GRM3: variants seen among roughly 807,000 people sequenced by gnomAD.
GRM3 encodes glutamate metabotropic receptor 3.
A neutral mutation model predicts 70.5 loss-of-function variants in GRM3; 26 were observed. The observed-to-expected ratio is 0.37, with a 90% CI of 0.27 to 0.51. GRM3 has a LOEUF of 0.51. Ranked by LOEUF, GRM3 falls within the 20% of genes least tolerant of loss-of-function variation. The pLI, the probability that GRM3 is intolerant of heterozygous loss-of-function variation, is 0.93. For missense variants in GRM3, 859 were observed against 1,123.8 expected (o/e 0.76, Z 3.37); for synonymous variants, 443 against 434.9 (o/e 1.02, Z -0.23).
chr7:86,786,713 G>C lies in GRM3; in HGVS notation c.921G>C (p.Glu307Asp). The stretch of plus-strand genomic sequence containing the variant: ...CCAGCGACGGCTGGGGCGCGCAGGA[G>C]AGCATCATCAAGGGCAGCGAGCATG... ...WVASDGWGAQ[E>D]SIIKGSEHVA... Residue 307 changes from glutamate to aspartate, a missense_variant, in exon 3 of 6, where the codon GAG becomes GAC. Glu to Asp is a conservative substitution (Grantham distance 45, BLOSUM62 2). Coordinates refer to ENST00000361669, the MANE Select transcript of GRM3 (RefSeq NM_000840.3). This position sits in a 1 kb window ranked among gnomAD's most constrained non-coding sequence, Gnocchi z 6.0. 2 of 1,613,054 alleles carry C rather than the reference G, an allele frequency of 1.2e-6. No individual in the cohort carries two copies. Among genetic ancestry groups the C allele is most frequent in the South Asian group, 1.1e-5 (1 of 91,084 alleles).
intron 3 of GRM3, among the ~76,000 whole-genome samples, chr7:86,810,333 T>A (rs1170003603): frequency 6.6e-6 from 1 of 151,996 alleles, no homozygotes; most frequent in Admixed American, 6.6e-5. Context: ...AGCACAAACT[T>A]TTTAAGAATA....
intron 3 of GRM3, among the ~76,000 whole-genome samples, chr7:86,821,919 A>AT: frequency 6.6e-6 from 1 of 152,086 alleles, no homozygotes; most frequent in Non-Finnish European, 1.5e-5. Flanking sequence ...TTTGTGAAAT[A>AT]ATTACATCTG....
At chr7:86,722,077 A>G (rs538054591) in intron 1 of GRM3, among the ~76,000 whole-genome samples, 5 of 152,222 alleles carry the variant, frequency 3.3e-5, no homozygotes, top group Non-Finnish European at 5.9e-5. Flanking sequence ...GATTGGGCAC[A>G]ATTCTCAATA....
intron 1 of GRM3, among the ~76,000 whole-genome samples, chr7:86,667,358 G>A (rs1242884626): frequency 1.3e-5 from 2 of 152,156 alleles, no homozygotes; most frequent in African/African-American, 4.8e-5. Context: ...TTTGCTTTTA[G>A]TTAAGAAATA....
intron 3 of GRM3, among the ~76,000 whole-genome samples, chr7:86,836,154 A>T (rs909564424): frequency 2.0e-5 from 3 of 152,206 alleles, no homozygotes; most frequent in Non-Finnish European, 4.4e-5. Context: ...ACATTCCCAT[A>T]CAATGTTCAT....
At chr7:86,716,555 A>G (rs1425912945) in intron 1 of GRM3, among the ~76,000 whole-genome samples, 10 of 151,842 alleles carry the variant, frequency 6.6e-5, no homozygotes, top group Non-Finnish European at 1.5e-5. Flanking sequence ...TCCACAAGGT[A>G]ATGAAAGGAA....
intron 3 of GRM3, among the ~76,000 whole-genome samples, chr7:86,816,470 G>C (rs1345222726): frequency 1.3e-5 from 2 of 151,740 alleles, no homozygotes; most frequent in Non-Finnish European, 2.9e-5. Flanking sequence ...AGTAGGCCCA[G>C]TACCTGTTGT....
At chr7:86,685,230 G>A (rs988735515) in intron 1 of GRM3, among the ~76,000 whole-genome samples, 2 of 152,102 alleles carry the variant, frequency 1.3e-5, no homozygotes, top group South Asian at 2.1e-4. Context: ...AAAGACAGTT[G>A]GTATGGCATA....
intron 5 of GRM3, among the ~76,000 whole-genome samples, chr7:86,863,473 C>T (rs934814951): frequency 2.9e-4 from 44 of 152,126 alleles, no homozygotes; most frequent in African/African-American, 9.9e-4. Context: ...TCAGCAGGGC[C>T]ACACCATAAC....
At chr7:86,669,582 T>G (rs1319516031) in intron 1 of GRM3, among the ~76,000 whole-genome samples, 1 of 152,198 alleles carries the variant, frequency 6.6e-6, no homozygotes, top group Non-Finnish European at 1.5e-5. Flanking sequence ...ATTGTAGAAG[T>G]ATTATTTTGT....
chr7:86,657,886 C>T (rs990678858), intron 1 of GRM3, among the ~76,000 whole-genome samples: 4 of 152,178 alleles, frequency 2.6e-5, no homozygotes, highest in African/African-American at 9.7e-5. Flanking sequence ...AAGCTAATCA[C>T]TTTCCTTCTT....
chr7:86,847,659 G>A lies in GRM3; in HGVS notation c.2392-2711G>A, dbSNP rs533841515. 5.3e-5 allele frequency among the ~76,000 whole-genome samples: 8 copies of A among 152,228 alleles called. No homozygotes were observed. In the South Asian group the frequency reaches 1.7e-3, roughly 32 times the overall value. On this transcript the variant is annotated intron_variant, in intron 4 of 5. Transcript: ENST00000361669. ...AACTAAGACAAAGAACAACCACTGA[G>A]GGAAAGATGTGTCCAGGAATCCAAA...
intron 1 of GRM3, among the ~76,000 whole-genome samples, chr7:86,672,604 G>GT (rs138432194): frequency 0.018 from 2,704 of 147,206 alleles, 61 homozygotes; most frequent in African/African-American, 0.056. Context: ...TTTTGTTTTT[G>GT]TTTTTTTTTT....
At chr7:86,671,870 A>T (rs768176308) in intron 1 of GRM3, among the ~76,000 whole-genome samples, 1 of 152,178 alleles carries the variant, frequency 6.6e-6, no homozygotes, top group Non-Finnish European at 1.5e-5. Context: ...TTATCCATTT[A>T]CTGACCTTGA....
At chr7:86,814,130 C>A (rs921977308) in intron 3 of GRM3, among the ~76,000 whole-genome samples, 6 of 151,812 alleles carry the variant, frequency 4.0e-5, no homozygotes, top group African/African-American at 1.4e-4. Flanking sequence ...AGAGTTAGCA[C>A]CCCCAATTTA....
intron 1 of GRM3, among the ~76,000 whole-genome samples, chr7:86,764,461 A>G (rs567605314): frequency 1.3e-5 from 2 of 152,160 alleles, no homozygotes; most frequent in Non-Finnish European, 2.9e-5. Context: ...CTTAACCTCA[A>G]TGGGCTAGGA....
At position 86,850,304 on chromosome 7, in the gene GRM3, C is replaced by A. The variant is rs1562882226; in HGVS notation, c.2392-66C>A. ...TTTTCATTTTGGTCTTATTTCAGCA[C>A]TCTCTTTAGTTGGCCACTTGACTGA... On this transcript the variant is annotated intron_variant, in intron 4 of 5. Coordinates refer to ENST00000361669, the MANE Select transcript of GRM3 (RefSeq NM_000840.3). 11 of 1,111,324 alleles carry A rather than the reference C, an allele frequency of 9.9e-6. No homozygotes were observed. The East Asian group carries it at 2.4e-4, about 24-fold the overall frequency. 68.8% of individuals were successfully genotyped at this position (1,111,324 alleles called of 1,614,324 possible).
At chr7:86,673,552 G>A (rs1238522197) in intron 1 of GRM3, among the ~76,000 whole-genome samples, 1 of 152,066 alleles carries the variant, frequency 6.6e-6, no homozygotes, top group Non-Finnish European at 1.5e-5. Flanking sequence ...ACTGCTTCCA[G>A]ATTGCTTCCT....
chr7:86,732,413 C>T (rs1452522680), intron 1 of GRM3, among the ~76,000 whole-genome samples: 1 of 133,314 alleles, frequency 7.5e-6, no homozygotes, highest in Non-Finnish European at 1.6e-5. Context: ...GAAAAATGAA[C>T]CTGGCTATAG....
Sources: allele counts gnomAD v4.1 joint callset (sites outside exome capture counted in the v4.1 genomes callset), GRCh38; gene constraint gnomAD v4.1.1; non-coding constraint Gnocchi (gnomAD v3.1); transcripts MANE v1.5; gene names NCBI Gene and HGNC (gene_info 2026-07-23, HGNC 2026-07-21).